Variants in PCDH9 observed in about 807,000 individuals in gnomAD.
The protein encoded by PCDH9 is protocadherin-9.
Under a neutral mutation model 70.6 loss-of-function variants are expected in PCDH9, and 24 were observed. The observed-to-expected ratio is 0.34, with a 90% CI of 0.25 to 0.48. The LOEUF (loss-of-function observed/expected upper bound fraction) is 0.48. PCDH9 is among the 20% of genes least tolerant of loss of function. The pLI is 0.99. For synonymous variants in PCDH9, 562 were observed against 558.5 expected (o/e 1.01, Z -0.09); for missense variants, 1,281 against 1,503.6 (o/e 0.85, Z 2.45).
At chr13:66,576,150 G>A (rs1261441647) in intron 4 of PCDH9, among the ~76,000 whole-genome samples, 43 of 150,584 alleles carry the variant, frequency 2.9e-4, no homozygotes, top group Non-Finnish European at 1.5e-5. Flanking sequence ...CATGAGGTTA[G>A]AAGCTATTTT....
intron 4 of PCDH9, among the ~76,000 whole-genome samples, chr13:66,305,447 T>C (rs921772933): frequency 6.6e-6 from 1 of 152,080 alleles, no homozygotes. Flanking sequence ...ATGTGTAATA[T>C]TAAAGAATAT....
chr13:66,500,078 G>T (rs550512559), intron 4 of PCDH9, among the ~76,000 whole-genome samples: 1 of 152,058 alleles, frequency 6.6e-6, no homozygotes, highest in Non-Finnish European at 1.5e-5. Flanking sequence ...CCTTTATAGC[G>T]ATGCGAATGG....
rs772824407 is a variant in PCDH9, at chr13:66,413,913, T to A, written c.3341-108885A>T. Among the ~76,000 whole-genome samples, 29 of 152,084 alleles carry A rather than the reference T, an allele frequency of 1.9e-4. 1 individual carries two copies. Among genetic ancestry groups the A allele is most frequent in the Non-Finnish European group, 3.7e-4 (25 of 68,014 alleles). On this transcript the variant is annotated intron_variant, in intron 4 of 4. Coordinates refer to ENST00000377865, the MANE Select transcript of PCDH9 (RefSeq NM_203487.3). ...AAGCAGCTCCTGAAGCAGCTTCACA[T>A]GCTCAGTTTCAGATTTTAAACTGGT...
intron 2 of PCDH9, among the ~76,000 whole-genome samples, chr13:67,094,088 T>C (rs552784057): frequency 1.3e-5 from 2 of 152,240 alleles, no homozygotes; most frequent in East Asian, 1.9e-4. Context: ...TATTAAGTCA[T>C]AGGAAATTGG....
At chr13:66,467,342 C>T (rs1002138448) in intron 4 of PCDH9, among the ~76,000 whole-genome samples, 18 of 152,046 alleles carry the variant, frequency 1.2e-4, no homozygotes, top group Non-Finnish European at 2.1e-4. Context: ...CAAGACTGCT[C>T]CCGGTTTCCT....
chr13:67,147,898 CT>C (rs541879153), intron 2 of PCDH9, among the ~76,000 whole-genome samples: 150 of 152,294 alleles, frequency 9.8e-4, no homozygotes, highest in African/African-American at 3.4e-3. Context: ...TTCCCACCCC[CT>C]ATCCCAGTAA....
rs78359528 is a variant in PCDH9 at position 66,670,425 on chromosome 13, T to C, written c.3139-39014A>G. On this transcript the variant is annotated intron_variant, in intron 3 of 4. Coordinates refer to ENST00000377865, the MANE Select transcript of PCDH9 (RefSeq NM_203487.3). Reference sequence around the variant, plus strand: ...AATATATGATGAAAGAACGAAAGAATTGAGAATTGAGATAAAAGCTGTATG... The same window carrying C: ...AATATATGATGAAAGAACGAAAGAACTGAGAATTGAGATAAAAGCTGTATG... Among the ~76,000 whole-genome samples the C allele has an allele frequency of 9.4e-4, 143 of 152,218 alleles. 4 individuals carry two copies. In the East Asian group the frequency reaches 0.027, roughly 29 times the overall value.
At chr13:66,915,073 T>C (rs1257824211) in intron 2 of PCDH9, 1 of 151,642 alleles carries the variant, frequency 6.6e-6, no homozygotes, top group African/African-American at 2.4e-5. Context: ...TTCTATGATA[T>C]GGAGGTGGGG....
rs759493797 is a variant in PCDH9, at chr13:66,838,726, TAA to T, written c.3138+64776_3138+64777del. On this transcript the variant is annotated intron_variant, in intron 3 of 4. Transcript: ENST00000377865. ...GTCTTATTACAAACACAGTTAAATA[TAA>T]GTGTTGTGACTTTATTCTTTTTTTC... 1.1e-3 allele frequency among the ~76,000 whole-genome samples: 173 copies of T among 152,230 alleles called. 1 individual carries two copies. The highest frequency in any genetic ancestry group is 2.0e-3 in the Non-Finnish European group (139 of 67,978).
At chr13:66,628,205 G>T (rs1340199682) in intron 4 of PCDH9, among the ~76,000 whole-genome samples, 1 of 152,084 alleles carries the variant, frequency 6.6e-6, no homozygotes, top group Non-Finnish European at 1.5e-5. Flanking sequence ...TCAACAACCT[G>T]CTACTTTTAT....
chr13:66,648,429 A>T (rs2077802156), intron 3 of PCDH9, among the ~76,000 whole-genome samples: 1 of 152,198 alleles, frequency 6.6e-6, no homozygotes, highest in South Asian at 2.1e-4. Context: ...TAATCCAGAG[A>T]ATTCTTCTGG....
intron 2 of PCDH9, among the ~76,000 whole-genome samples, chr13:67,153,159 CT>C (rs1203509795): frequency 2.0e-5 from 3 of 146,754 alleles, no homozygotes; most frequent in Admixed American, 2.0e-4. Flanking sequence ...TTAGTTTTCC[CT>C]TTCACAGTTT....
At chr13:66,483,437 C>T (rs533226883) in intron 4 of PCDH9, among the ~76,000 whole-genome samples, 4 of 152,228 alleles carry the variant, frequency 2.6e-5, no homozygotes, top group Admixed American at 2.0e-4. Flanking sequence ...TCCTGAAATG[C>T]AGGGTGAAGG....
chr13:66,689,232 C>T (rs1344398753), intron 3 of PCDH9, among the ~76,000 whole-genome samples: 1 of 152,118 alleles, frequency 6.6e-6, no homozygotes, highest in Non-Finnish European at 1.5e-5. Flanking sequence ...ACTTATACAG[C>T]CCTCTAGTGT....
intron 1 of PCDH9, 108 bp downstream of exon 1, chr13:67,229,672 G>A (rs2089964818): frequency 6.6e-6 from 1 of 152,318 alleles, no homozygotes; most frequent in South Asian, 2.1e-4. Context: ...CAGCCGAGTA[G>A]GTGAGCTCTG....
At chr13:66,327,554 C>A (rs1358037386) in intron 4 of PCDH9, among the ~76,000 whole-genome samples, 5 of 152,130 alleles carry the variant, frequency 3.3e-5, no homozygotes, top group Non-Finnish European at 7.3e-5. Context: ...AAAATAAGCA[C>A]TATGTAAGTA....
At chr13:67,052,993 G>A (rs2085350975) in intron 2 of PCDH9, among the ~76,000 whole-genome samples, 1 of 152,014 alleles carries the variant, frequency 6.6e-6, no homozygotes, top group Admixed American at 6.6e-5. Context: ...TGAGTTAATG[G>A]TCTAGAGATG....
chr13:66,562,497 C>T (rs1402622508), intron 4 of PCDH9, among the ~76,000 whole-genome samples: 4 of 152,090 alleles, frequency 2.6e-5, no homozygotes, highest in East Asian at 1.9e-4. Context: ...ACAATCATGG[C>T]GGAAGGCAAA....
intron 4 of PCDH9, among the ~76,000 whole-genome samples, chr13:66,321,203 G>A (rs1240569090): frequency 6.6e-6 from 1 of 152,034 alleles, no homozygotes; most frequent in Admixed American, 6.6e-5. Context: ...CATGAAACAG[G>A]AAACATGCCC....
Sources: allele counts gnomAD v4.1 joint callset (sites outside exome capture counted in the v4.1 genomes callset), GRCh38; gene constraint gnomAD v4.1.1; transcripts MANE v1.5; gene names NCBI Gene and HGNC (gene_info 2026-07-23, HGNC 2026-07-21).